WDR81: variants seen among roughly 807,000 people sequenced by gnomAD.
WDR81 encodes WD repeat domain 81.
Under a neutral mutation model 140.8 loss-of-function variants are expected in WDR81, and 92 were observed. That is an observed-to-expected ratio of 0.65 (90% CI 0.55 to 0.78). WDR81 has a LOEUF of 0.78. WDR81 is among the 30% of genes least tolerant of loss of function. The probability of loss-of-function intolerance (pLI) is 0.00; values close to 1 mark genes in which losing one functional copy is unlikely to be tolerated. For missense variants in WDR81, 2,502 were observed against 2,636.4 expected (o/e 0.95, Z 1.12); for synonymous variants, 1,183 against 1,156.4 (o/e 1.02, Z -0.47).
At position 1,737,779 on chromosome 17, in the gene WDR81, G is replaced by C; in HGVS notation, c.*94G>C. 6.9e-7 allele frequency: 1 copy of C among 1,443,910 alleles called. No individual in the cohort carries two copies. The highest frequency in any genetic ancestry group is 9.2e-7 in the Non-Finnish European group (1 of 1,091,902). 89.4% of individuals were successfully genotyped at this position (1,443,910 alleles called of 1,614,324 possible). On this transcript the variant is annotated 3_prime_UTR_variant, in exon 10 of 10. Transcript: ENST00000409644. ...CCTGAGCAGCAGCTCCCTCCAGGGA[G>C]GCCCTGGGTCCCACGCCCTGGGTGC...
At position 1,737,526 on chromosome 17, in the gene WDR81, C is replaced by A. The variant is rs755689280; in HGVS notation, c.5667C>A (p.Asn1889Lys). The stretch of plus-strand genomic sequence containing the variant: ...AGGTGGTCACTGGCACCGTGTCCAA[C>A]AAGATTGGCGTCTGCTCCCTGCTTG... ...GSEVVTGTVSNKIGVCSLLEP... is the reference protein window; with the variant it reads ...GSEVVTGTVSKKIGVCSLLEP... The change falls in exon 10 of 10, where the codon AAC becomes AAA. Residue 1889 changes from asparagine to lysine, a missense_variant. Physicochemically the swap from Asn to Lys is moderately conservative, Grantham distance 94 (BLOSUM62 0). Transcript: ENST00000409644. The A allele has an allele frequency of 5.6e-6, 9 of 1,613,004 alleles. No homozygotes were observed. In the Admixed American group the frequency reaches 1.5e-4, roughly 27 times the overall value.
chr17:1,732,544 T>TGACCCCCTGGGC, intron 5 of WDR81, 54 bp downstream of exon 5: 2 of 1,594,960 alleles, frequency 1.3e-6, no homozygotes, highest in Non-Finnish European at 8.6e-7. Flanking sequence ...TGGACCTGGG[T>TGACCCCCTGGGC]GACCCCCTGG....
Position 1,731,064 on chromosome 17 carries a change from C to T in WDR81, c.3967-4C>T. On this transcript the variant is annotated splice_polypyrimidine_tract_variant and splice_region_variant and intron_variant, in intron 3 of 9. Coordinates refer to ENST00000409644, the MANE Select transcript of WDR81 (RefSeq NM_001163809.2). ...CCCGGCCCTCATCTGCTCGGTGGCT[C>T]TAGGTGGCCCCAGGGAGTGCCTCAG... 2.5e-6 allele frequency: 4 copies of T among 1,611,540 alleles called. No individual in the cohort carries two copies. In the South Asian group the frequency reaches 4.4e-5, roughly 18 times the overall value.
rs376462502 is a variant in WDR81 at position 1,728,326 on chromosome 17, C to T, written c.3367C>T (p.Arg1123Trp). 2.4e-5 allele frequency: 38 copies of T among 1,612,700 alleles called. No individual in the cohort carries two copies. The highest frequency in any genetic ancestry group is 5.0e-5 in the Admixed American group (3 of 59,996). ...STSETSLGEERAPDEGGAPVD... is the reference protein window; with the variant it reads ...STSETSLGEEWAPDEGGAPVD... Reference sequence around the variant, plus strand: ...CAGCGAGACCTCCCTGGGTGAGGAGCGGGCTCCAGACGAGGGGGGTGCCCC... The same window carrying T: ...CAGCGAGACCTCCCTGGGTGAGGAGTGGGCTCCAGACGAGGGGGGTGCCCC... The change falls in exon 1 of 10, where the codon CGG (arginine) becomes TGG (tryptophan). Residue 1123 changes from arginine to tryptophan, a missense_variant. This residue lies in a region of WDR81 where 1,737 missense variants were observed against 1,843.0 expected (regional missense o/e 0.94). Transcript: ENST00000409644.
At position 1,738,572 on chromosome 17, in the gene WDR81, C is replaced by A. The variant is rs912911739; in HGVS notation, c.*887C>A. On this transcript the variant is annotated 3_prime_UTR_variant, in exon 10 of 10. Coordinates refer to ENST00000409644, the MANE Select transcript of WDR81 (RefSeq NM_001163809.2). ...TAGATGTAAATAGGACCAATAAATC[C>A]TTTGGAAGAGCCATGGGGTGAACTG... 2.6e-5 allele frequency: 4 copies of A among 152,008 alleles called. No individual in the cohort carries two copies. The East Asian group carries it at 7.7e-4, about 29-fold the overall frequency. The allele number at this position is 152,008 out of a possible 1,614,324, so 9.4% of individuals were successfully genotyped here.
chr17:1,726,635 T>C lies in WDR81; in HGVS notation c.1676T>C (p.Val559Ala). 4 of 1,550,236 alleles carry C rather than the reference T, an allele frequency of 2.6e-6. No homozygotes were observed. The highest frequency in any genetic ancestry group is 2.7e-5 in the African/African-American group (2 of 73,114). Residue 559 changes from valine to alanine, a missense_variant, in exon 1 of 10, where the codon GTC becomes GCC. Transcript: ENST00000409644. ...FGYKLQGKEA[V>A]KEKNVCLHLV... ...TATAAACTCCAGGGTAAGGAGGCTGTCAAGGAAAAGAATGTGTGTCTGCAC... is the reference window on the plus strand; with the variant it reads ...TATAAACTCCAGGGTAAGGAGGCTGCCAAGGAAAAGAATGTGTGTCTGCAC...
chr17:1,731,181 A>AC lies in WDR81; in HGVS notation c.4081dup (p.Leu1361ProfsTer11). 6.2e-7 allele frequency: 1 copy of AC among 1,612,902 alleles called. No individual in the cohort carries two copies. The highest frequency in any genetic ancestry group is 8.5e-7 in the Non-Finnish European group (1 of 1,179,904). On this transcript the variant is annotated frameshift_variant, in exon 4 of 10. Transcript: ENST00000409644. LOFTEE classifies it high-confidence loss of function. ...TCATCGTGTACCTCTCAGACACCAC[A>AC]CTCATGGACATCCTGCCCCGGATCA...
intron 4 of WDR81, 78 bp downstream of exon 4, chr17:1,731,336 GAGAGGACGTAACACTGGACTGGGTGTCA>G: frequency 6.7e-7 from 1 of 1,499,604 alleles, no homozygotes; most frequent in South Asian, 1.3e-5. Flanking sequence ...AAGCTCAGGG[GAGAGGACGTAACACTGGACTGGGTGTCA>G]AGAGTCCTGG....
intron 6 of WDR81, 32 bp from the exon 7 acceptor site, chr17:1,733,495 C>T (rs367573713): frequency 2.7e-6 from 4 of 1,498,666 alleles, no homozygotes; most frequent in South Asian, 1.4e-5. Flanking sequence ...TGCCATCTTC[C>T]CTGTCTCAGG....
upstream of WDR81, among the ~76,000 whole-genome samples, chr17:1,722,897 G>A (rs1292510950): frequency 6.6e-6 from 1 of 151,724 alleles, no homozygotes; most frequent in Non-Finnish European, 1.5e-5. Flanking sequence ...GTTTCCCCAA[G>A]TTGGCCGGGC....
At chr17:1,731,286 G>T in intron 4 of WDR81, 28 bp downstream of exon 4, 1 of 1,607,316 alleles carries the variant, frequency 6.2e-7, no homozygotes, top group Non-Finnish European at 8.5e-7. Context: ...CTGATGTAGG[G>T]GGACCGGCCC....
chr17:1,724,842 C>T lies in WDR81; in HGVS notation c.-118C>T, dbSNP rs1221762086. 6 of 1,217,122 alleles carry T rather than the reference C, an allele frequency of 4.9e-6. 1 individual carries two copies. In the African/African-American group the frequency reaches 7.8e-5, roughly 16 times the overall value. 75.4% of individuals were successfully genotyped at this position (1,217,122 alleles called of 1,614,324 possible). A position where few individuals can be genotyped will look rare whatever the true frequency, so the allele number is the denominator to read the frequency against. ...GCCGCCGGCTTCCTGCGGCCGCCTC[C>T]GCCCCAGCCCCTGTCCCGCGCCCAT... On this transcript the variant is annotated 5_prime_UTR_variant, in exon 1 of 10. Transcript: ENST00000409644.
At position 1,735,630 on chromosome 17, in the gene WDR81, T is replaced by C. The variant is rs767805292; in HGVS notation, c.5238T>C (p.Ala1746=). The C allele has an allele frequency of 9.9e-6, 16 of 1,612,742 alleles. No homozygotes were observed. Among genetic ancestry groups the C allele is most frequent in the African/African-American group, 1.3e-5 (1 of 74,882 alleles). The change falls in exon 8 of 10, where the codon GCT becomes GCC. Residue 1746 remains alanine (A), a synonymous_variant. Coordinates refer to ENST00000409644, the MANE Select transcript of WDR81 (RefSeq NM_001163809.2). The surrounding 1 kb of genome is among the most constrained non-coding windows in gnomAD (Gnocchi z 4.2). ...GCCGGGTGCCCCTGACTGCGGTGGC[T>C]GTCATGCCCGCCCCCCACACCAGCA... ...LDSRVPLTAV[A]VMPAPHTSIT... is the part of the protein sequence containing the mutation.
rs1276687348 is a variant in WDR81, at chr17:1,725,388, C to T, written c.429C>T (p.Ala143=). 1.9e-6 allele frequency: 3 copies of T among 1,549,548 alleles called. No homozygotes were observed. The highest frequency in any genetic ancestry group is 2.4e-5 in the East Asian group (1 of 40,920). ...ETLTRFMQEV[A]AQNYRNLWRH... ...TCACTCGCTTCATGCAGGAGGTTGC[C>T]GCCCAGAATTATCGCAACCTGTGGC... Residue 143 remains alanine, a synonymous_variant, in exon 1 of 10, where the codon GCC becomes GCT. Transcript: ENST00000409644.
intron 9 of WDR81, among the ~76,000 whole-genome samples, chr17:1,737,045 A>G (rs12939051): frequency 0.47 from 70,766 of 152,048 alleles, 17,241 homozygotes; most frequent in East Asian, 0.68. Flanking sequence ...TCTGAGCCTC[A>G]CTTTTCCTGT....
chr17:1,727,949 T>A lies in WDR81; in HGVS notation c.2990T>A (p.Leu997Gln). 5.2e-6 allele frequency: 8 copies of A among 1,550,282 alleles called. No individual in the cohort carries two copies. In the South Asian group the frequency reaches 9.5e-5, roughly 18 times the overall value. ...GCCCAGCTGATGGTGCGGCTGGGCC[T>A]GCAGGCATTTCTCACTCACCTGCTG... ...FVAQLMVRLGLQAFLTHLLPH... is the reference protein window; with the variant it reads ...FVAQLMVRLGQQAFLTHLLPH... Residue 997 changes from leucine to glutamine, a missense_variant, in exon 1 of 10, where the codon CTG (leucine) becomes CAG (glutamine). Leu to Gln is a moderately radical substitution (Grantham distance 113). Coordinates refer to ENST00000409644, the MANE Select transcript of WDR81 (RefSeq NM_001163809.2).
rs1915332055 is a variant in WDR81, at chr17:1,727,099, G to A, written c.2140G>A (p.Gly714Ser). Reference sequence around the variant, plus strand: ...AGCTGCTGGGGCAGACCCTGGGGAGGGTGAGGAGGGGAGGATTCTTCTTCC... The same window carrying A: ...AGCTGCTGGGGCAGACCCTGGGGAGAGTGAGGAGGGGAGGATTCTTCTTCC... ...NKAAGADPGE[G>S]EEGRILLPEG... Residue 714 changes from glycine to serine, a missense_variant, in exon 1 of 10, where the codon GGT becomes AGT. This residue lies in a region of WDR81 where 1,737 missense variants were observed against 1,843.0 expected (regional missense o/e 0.94). Coordinates refer to ENST00000409644, the MANE Select transcript of WDR81 (RefSeq NM_001163809.2). 1 of 1,548,078 alleles carries A rather than the reference G, an allele frequency of 6.5e-7. No individual in the cohort carries two copies.
Position 1,731,228 on chromosome 17 carries a change from T to G in WDR81, c.4127T>G (p.Val1376Gly), listed in dbSNP as rs1904322891. The change falls in exon 4 of 10, where the codon GTG (valine) becomes GGG (glycine). Residue 1376 changes from valine (V) to glycine (G), a missense_variant. Val to Gly is a moderately radical substitution (Grantham distance 109). This residue lies in a region of WDR81 where 1,737 missense variants were observed against 1,843.0 expected (regional missense o/e 0.94). Transcript: ENST00000409644. The stretch of plus-strand genomic sequence containing the variant: ...ATCAGCCATGAGGTCCTGCTGCCCG[T>G]GCTCAGCTTCCTCACCTCCCTCGTC... ...PRISHEVLLP[V>G]LSFLTSLVTG... is the part of the protein sequence containing the mutation. 2 of 1,613,466 alleles carry G rather than the reference T, an allele frequency of 1.2e-6. No individual in the cohort carries two copies. The highest frequency in any genetic ancestry group is 2.2e-5 in the South Asian group (2 of 91,082).
chr17:1,735,886 C>T lies in WDR81; in HGVS notation c.5326-153C>T. ...ACATCCTGCGGGGCAGGACTCTGGCCTGTGATGGGGGTGGGGTTCTGGGCT... is the reference window on the plus strand; with the variant it reads ...ACATCCTGCGGGGCAGGACTCTGGCTTGTGATGGGGGTGGGGTTCTGGGCT... On this transcript the variant is annotated intron_variant, in intron 8 of 9. Transcript: ENST00000409644. This position sits in a 1 kb window ranked among gnomAD's most constrained non-coding sequence, Gnocchi z 4.2. 7.3e-7 allele frequency: 1 copy of T among 1,370,510 alleles called. No homozygotes were observed. The highest frequency in any genetic ancestry group is 2.5e-5 in the East Asian group (1 of 40,560). The allele number at this position is 1,370,510 out of a possible 1,614,324, so 84.9% of individuals were successfully genotyped here.
Sources: gnomAD v4.1 joint callset for allele counts (sites outside exome capture counted in the v4.1 genomes callset) on GRCh38, gnomAD v4.1.1 for gene constraint, gnomAD v4.1.1 regional missense constraint, Gnocchi (gnomAD v3.1) non-coding constraint, MANE v1.5 for transcripts, NCBI Gene and HGNC (gene_info 2026-07-23, HGNC 2026-07-21) for gene names.